NOL4: variants seen among roughly 807,000 people sequenced by gnomAD.
NOL4 encodes cancer/testis antigen 125.
In NOL4, 17 loss-of-function variants were observed where a neutral mutation model predicts 75.9. The ratio of observed to expected loss-of-function variants is 0.22; its 90% CI spans 0.15 to 0.34. The LOEUF is 0.34. Among genes scored for constraint, NOL4 ranks in the 10% least tolerant of loss-of-function variants. NOL4 has a pLI of 1.00. For missense variants in NOL4, 614 were observed against 793.5 expected (o/e 0.77, Z 2.72); for synonymous variants, 292 against 289.9 (o/e 1.01, Z -0.07).
intron 6 of NOL4, among the ~76,000 whole-genome samples, chr18:33,999,461 T>A (rs2073536377): frequency 6.6e-6 from 1 of 152,166 alleles, no homozygotes; most frequent in Non-Finnish European, 1.5e-5. Context: ...TATAATATGT[T>A]TATTGACTAG....
intron 6 of NOL4, among the ~76,000 whole-genome samples, chr18:34,014,358 C>G (rs529672602): frequency 6.6e-6 from 1 of 151,886 alleles, no homozygotes; most frequent in Non-Finnish European, 1.5e-5. Context: ...ACAATAATCA[C>G]GTGCCCACCG....
chr18:34,099,354 C>A (rs2078934014), intron 4 of NOL4, among the ~76,000 whole-genome samples: 1 of 40,744 alleles, frequency 2.5e-5, no homozygotes, highest in Non-Finnish European at 5.1e-5. Flanking sequence ...CAGAGTGAGA[C>A]TTTGTCTCAA....
At chr18:34,139,827 C>T (rs1175162837) in intron 1 of NOL4, among the ~76,000 whole-genome samples, 1 of 152,076 alleles carries the variant, frequency 6.6e-6, no homozygotes, top group Admixed American at 6.6e-5. Context: ...GTGCTATAAA[C>T]TTCCCTCTAC....
At chr18:34,204,350 TA>T (rs2035972057) in intron 1 of NOL4, among the ~76,000 whole-genome samples, 3 of 152,226 alleles carry the variant, frequency 2.0e-5, no homozygotes, top group African/African-American at 7.2e-5. Flanking sequence ...ATCTTTCCAG[TA>T]ATACTATCAT....
intron 9 of NOL4, among the ~76,000 whole-genome samples, chr18:33,936,064 T>C (rs2068036265): frequency 2.0e-5 from 3 of 152,136 alleles, no homozygotes; most frequent in Non-Finnish European, 4.4e-5. Flanking sequence ...TTTATAAATG[T>C]TATAAAAAGG....
At chr18:33,931,049 AT>A (rs913699075) in intron 9 of NOL4, among the ~76,000 whole-genome samples, 1 of 152,174 alleles carries the variant, frequency 6.6e-6, no homozygotes, top group Non-Finnish European at 1.5e-5. Flanking sequence ...GCTCTGGCAA[AT>A]TAAAAAAACA....
intron 1 of NOL4, among the ~76,000 whole-genome samples, chr18:34,130,576 A>G (rs2080594012): frequency 6.6e-6 from 1 of 152,114 alleles, no homozygotes; most frequent in South Asian, 2.1e-4. Context: ...GAAATTATCT[A>G]TGTGAAATTT....
At chr18:33,960,854 T>C (rs2070057960) in intron 6 of NOL4, among the ~76,000 whole-genome samples, 1 of 152,156 alleles carries the variant, frequency 6.6e-6, no homozygotes, top group Admixed American at 6.6e-5. Flanking sequence ...CCTAAGGCAC[T>C]GTATTTCTTG....
At chr18:34,208,309 C>T (rs2036263135) in intron 1 of NOL4, among the ~76,000 whole-genome samples, 1 of 151,994 alleles carries the variant, frequency 6.6e-6, no homozygotes. Flanking sequence ...AGCACTGGAA[C>T]CCTATGGTAG....
chr18:33,904,957 G>A (rs1485163962), intron 9 of NOL4, among the ~76,000 whole-genome samples: 2 of 152,080 alleles, frequency 1.3e-5, no homozygotes, highest in Non-Finnish European at 2.9e-5. Flanking sequence ...AAATTGAAAA[G>A]ATAAACCACA....
intron 1 of NOL4, among the ~76,000 whole-genome samples, chr18:34,184,018 C>CAGT (rs1316606939): frequency 1.3e-5 from 2 of 151,488 alleles, no homozygotes; most frequent in Non-Finnish European, 3.0e-5. Context: ...AAAAATGCAA[C>CAGT]TGATAGGATA....
intron 10 of NOL4, among the ~76,000 whole-genome samples, chr18:33,865,406 T>G (rs1442048965): frequency 6.6e-6 from 1 of 152,196 alleles, no homozygotes; most frequent in African/African-American, 2.4e-5. Flanking sequence ...GTATTGTTAC[T>G]TTCGATTTTT....
intron 10 of NOL4, among the ~76,000 whole-genome samples, chr18:33,873,910 C>T (rs975289902): frequency 2.6e-5 from 4 of 151,772 alleles, no homozygotes; most frequent in South Asian, 2.1e-4. Context: ...TAAACAGAAA[C>T]GGTATCTTAG....
intron 2 of NOL4, among the ~76,000 whole-genome samples, chr18:34,124,900 T>C (rs2080312784): frequency 2.2e-5 from 1 of 46,180 alleles, no homozygotes; most frequent in Admixed American, 2.9e-4. Flanking sequence ...AGAGCAAAAC[T>C]GTCTCAAAAA....
At chr18:34,143,877 A>C (rs1600716442) in intron 1 of NOL4, among the ~76,000 whole-genome samples, 5 of 151,778 alleles carry the variant, frequency 3.3e-5, no homozygotes, top group Admixed American at 3.3e-4. Flanking sequence ...AAAAAAAAAA[A>C]AAAAAAAAAC....
At chr18:33,934,872 T>G (rs577662644) in intron 9 of NOL4, among the ~76,000 whole-genome samples, 5 of 151,072 alleles carry the variant, frequency 3.3e-5, no homozygotes, top group South Asian at 2.1e-4. Context: ...GTTTTTTTTT[T>G]TTTTTTTTTT....
intron 10 of NOL4, among the ~76,000 whole-genome samples, chr18:33,859,332 T>C (rs998188125): frequency 6.6e-6 from 1 of 152,226 alleles, no homozygotes; most frequent in African/African-American, 2.4e-5. Flanking sequence ...ATTTGGATGT[T>C]TCCATTTGCT....
intron 9 of NOL4, among the ~76,000 whole-genome samples, chr18:33,940,884 T>A (rs2068434320): frequency 6.6e-6 from 1 of 151,944 alleles, no homozygotes. Context: ...TTCTAGTCCC[T>A]ACTCCTGGTG....
At chr18:33,857,233 G>A (rs183737538) in intron 10 of NOL4, among the ~76,000 whole-genome samples, 2 of 152,058 alleles carry the variant, frequency 1.3e-5, no homozygotes, top group East Asian at 1.9e-4. Context: ...TTTACTTTGC[G>A]TTTGCATCAA....
Sources: allele counts gnomAD v4.1 joint callset (sites outside exome capture counted in the v4.1 genomes callset), GRCh38; gene constraint gnomAD v4.1.1; transcripts MANE v1.5; gene names NCBI Gene and HGNC (gene_info 2026-07-23, HGNC 2026-07-21).